WDR70: variants seen among roughly 807,000 people sequenced by gnomAD.
WDR70 encodes the protein WD repeat-containing protein 70.
WDR70 carries 53 observed loss-of-function variants against 88.6 expected under a neutral mutation model. The observed-to-expected ratio is 0.60, with a 90% CI of 0.48 to 0.75. WDR70 has a LOEUF of 0.75. WDR70 is among the 30% of genes least tolerant of loss of function. The probability of loss-of-function intolerance (pLI) is 0.00; values close to 1 mark genes in which losing one functional copy is unlikely to be tolerated. For synonymous variants in WDR70, 280 were observed against 270.0 expected (o/e 1.04, Z -0.36); for missense variants, 610 against 823.2 (o/e 0.74, Z 3.17).
rs369327110 is a variant in WDR70 at position 37,684,270 on chromosome 5, A to C, written c.1093-13385A>C. Among the ~76,000 whole-genome samples, 7 of 152,088 alleles carry C rather than the reference A, an allele frequency of 4.6e-5. 1 individual carries two copies. The highest frequency in any genetic ancestry group is 3.9e-4 in the Admixed American group (6 of 15,268). ...CTGCACCTCAGTGATCTTTGTTCCT[A>C]TCTATATTCTGAATTCTATTTCTGT... On this transcript the variant is annotated intron_variant, in intron 10 of 17. Transcript: ENST00000265107.
intron 7 of WDR70, among the ~76,000 whole-genome samples, chr5:37,477,709 C>G (rs1739530993): frequency 6.6e-6 from 1 of 152,192 alleles, no homozygotes; most frequent in Non-Finnish European, 1.5e-5. Context: ...AAGCTTCATA[C>G]TTGTCCCCTT....
chr5:37,406,638 T>C (rs1405852945), intron 5 of WDR70, among the ~76,000 whole-genome samples: 1 of 152,236 alleles, frequency 6.6e-6, no homozygotes, highest in Non-Finnish European at 1.5e-5. Flanking sequence ...CTTAGAATAG[T>C]ATCTGGTATT....
At chr5:37,525,347 C>A (rs202058893) in intron 9 of WDR70, among the ~76,000 whole-genome samples, 3 of 152,134 alleles carry the variant, frequency 2.0e-5, no homozygotes, top group Non-Finnish European at 4.4e-5. Context: ...GCTCAACTAC[C>A]TGGAAACTGA....
chr5:37,486,649 C>A (rs1320424189), intron 8 of WDR70, among the ~76,000 whole-genome samples: 2 of 152,100 alleles, frequency 1.3e-5, no homozygotes, highest in Non-Finnish European at 2.9e-5. Context: ...CCGGCCTTGA[C>A]TTTTTAATAA....
chr5:37,573,918 G>A (rs1292075522), intron 9 of WDR70, among the ~76,000 whole-genome samples: 1 of 152,036 alleles, frequency 6.6e-6, no homozygotes, highest in Non-Finnish European at 1.5e-5. Flanking sequence ...AACATTCTTT[G>A]TTCTTGGCTT....
chr5:37,562,592 C>G (rs889186224), intron 9 of WDR70, among the ~76,000 whole-genome samples: 1 of 152,146 alleles, frequency 6.6e-6, no homozygotes, highest in African/African-American at 2.4e-5. Flanking sequence ...TGCGGCCTTC[C>G]GGCCTTCCGC....
At chr5:37,514,258 AT>A (rs1222933998) in intron 8 of WDR70, among the ~76,000 whole-genome samples, 1 of 145,408 alleles carries the variant, frequency 6.9e-6, no homozygotes, top group African/African-American at 2.5e-5. Context: ...ACCTTAAGTG[AT>A]TGTTCTGCCT....
At chr5:37,663,935 ATTTAT>A (rs1432445665) in intron 10 of WDR70, among the ~76,000 whole-genome samples, 1 of 151,848 alleles carries the variant, frequency 6.6e-6, no homozygotes, top group Non-Finnish European at 1.5e-5. Flanking sequence ...TCTGCTTTTT[ATTTAT>A]TTTATTTAAC....
chr5:37,409,414 C>T (rs375010340), intron 5 of WDR70, among the ~76,000 whole-genome samples: 3 of 151,946 alleles, frequency 2.0e-5, no homozygotes, highest in East Asian at 3.9e-4. Flanking sequence ...TTGTTTATAC[C>T]GAGGATCACT....
chr5:37,479,660 C>A, intron 7 of WDR70, 174 bp from the exon 8 acceptor site: 1 of 675,206 alleles, frequency 1.5e-6, no homozygotes, highest in Admixed American at 3.0e-5. Context: ...CATGAGCTAC[C>A]TTGCCCAGCC....
chr5:37,557,991 A>G (rs1213766334), intron 9 of WDR70, among the ~76,000 whole-genome samples: 2 of 6,066 alleles, frequency 3.3e-4, no homozygotes, highest in South Asian at 6.1e-3. Flanking sequence ...TGAAAGGTAT[A>G]TGAAAGGAAT....
At chr5:37,545,339 A>G (rs1022758263) in intron 9 of WDR70, among the ~76,000 whole-genome samples, 2 of 152,092 alleles carry the variant, frequency 1.3e-5, no homozygotes, top group African/African-American at 4.8e-5. Flanking sequence ...ATAGTGTGTG[A>G]TTTTTTGATA....
At chr5:37,412,974 T>G (rs1011277745) in intron 5 of WDR70, among the ~76,000 whole-genome samples, 2 of 152,230 alleles carry the variant, frequency 1.3e-5, no homozygotes, top group Non-Finnish European at 2.9e-5. Flanking sequence ...AATAACCAAT[T>G]TAAATTTAAT....
At chr5:37,566,999 C>T (rs1420131012) in intron 9 of WDR70, among the ~76,000 whole-genome samples, 3 of 152,160 alleles carry the variant, frequency 2.0e-5, no homozygotes, top group Non-Finnish European at 2.9e-5. Flanking sequence ...AAGTCAGAAC[C>T]TGGGGTCTCC....
chr5:37,587,703 G>A (rs1406179433), intron 9 of WDR70, among the ~76,000 whole-genome samples: 2 of 151,630 alleles, frequency 1.3e-5, no homozygotes, highest in Non-Finnish European at 2.9e-5. Flanking sequence ...TTGTTGAATT[G>A]TAGTCCTATG....
chr5:37,464,733 G>A (rs1438111679), intron 7 of WDR70, among the ~76,000 whole-genome samples: 1 of 152,162 alleles, frequency 6.6e-6, no homozygotes, highest in African/African-American at 2.4e-5. Flanking sequence ...AGGTACTGAT[G>A]GAAGATACTG....
chr5:37,381,490 G>T (rs543086004), intron 2 of WDR70, 112 bp from the exon 3 acceptor site: 93 of 811,046 alleles, frequency 1.1e-4, no homozygotes, highest in Non-Finnish European at 1.8e-4. Flanking sequence ...GGTTATATTG[G>T]AGCCATGCTA....
chr5:37,511,283 GTA>G (rs1487362351), intron 8 of WDR70, among the ~76,000 whole-genome samples: 2 of 152,010 alleles, frequency 1.3e-5, no homozygotes, highest in Admixed American at 6.5e-5. Flanking sequence ...TATTATATTA[GTA>G]TACACTCAAT....
At chr5:37,530,334 G>A (rs181093658) in intron 9 of WDR70, among the ~76,000 whole-genome samples, 326 of 152,228 alleles carry the variant, frequency 2.1e-3, no homozygotes, top group Non-Finnish European at 3.4e-3. Context: ...GTGATTTAGG[G>A]AAGATTCCCT....
Sources: gnomAD v4.1 joint callset for allele counts (sites outside exome capture counted in the v4.1 genomes callset) on GRCh38, gnomAD v4.1.1 for gene constraint, MANE v1.5 for transcripts, NCBI Gene and HGNC (gene_info 2026-07-23, HGNC 2026-07-21) for gene names.